COL28A1: variants seen among roughly 807,000 people sequenced by gnomAD.
The protein encoded by COL28A1 is collagen alpha-1(XXVIII) chain.
A neutral mutation model predicts 150.2 loss-of-function variants in COL28A1; 161 were observed. The observed-to-expected ratio is 1.07, with a 90% CI of 0.94 to 1.22. The LOEUF is 1.22. Among genes scored for constraint, COL28A1 ranks in the 50% most tolerant of loss-of-function variants. The pLI, the probability that COL28A1 is intolerant of heterozygous loss-of-function variation, is 0.00. For missense variants in COL28A1, 1,617 were observed against 1,388.3 expected, an observed-to-expected ratio of 1.16 and a Z score of -2.62; for synonymous variants, 552 against 469.7, an observed-to-expected ratio of 1.18 and a Z score of -2.26.
chr7:7,462,624 C>G (rs570992251), intron 15 of COL28A1, among the ~76,000 whole-genome samples: 3 of 152,086 alleles, frequency 2.0e-5, no homozygotes, highest in Non-Finnish European at 4.4e-5. Context: ...TTTGGGAGGC[C>G]GAGGCAGATG....
chr7:7,387,337 A>C (rs1180476927), intron 27 of COL28A1, among the ~76,000 whole-genome samples: 1 of 152,198 alleles, frequency 6.6e-6, no homozygotes, highest in Non-Finnish European at 1.5e-5. Flanking sequence ...ATTTTACTGC[A>C]TATAAATAAT....
intron 27 of COL28A1, among the ~76,000 whole-genome samples, chr7:7,401,339 T>A (rs1256772990): frequency 1.3e-5 from 2 of 152,022 alleles, no homozygotes; most frequent in African/African-American, 4.8e-5. Context: ...TTAAATACCA[T>A]CTATAAATTG....
chr7:7,491,718 AC>A (rs1384763136), intron 11 of COL28A1, among the ~76,000 whole-genome samples: 3 of 152,184 alleles, frequency 2.0e-5, no homozygotes, highest in Non-Finnish European at 2.9e-5. Flanking sequence ...CCAAACTCAC[AC>A]CTGAATACCA....
At position 7,490,570 on chromosome 7, in the gene COL28A1, A is replaced by T. The variant is rs1779861330; in HGVS notation, c.1095+8T>A. The T allele has an allele frequency of 2.6e-6, 3 of 1,166,372 alleles. No homozygotes were observed. The highest frequency in any genetic ancestry group is 1.7e-5 in the Admixed American group (1 of 58,740). 72.3% of individuals were successfully genotyped at this position (1,166,372 alleles called of 1,614,324 possible). A position where few individuals can be genotyped will look rare whatever the true frequency, so the allele number is the denominator to read the frequency against. On this transcript the variant is annotated splice_region_variant and intron_variant, in intron 12 of 34. Transcript: ENST00000399429. ...GTCATCAGTGGGCAAAAAGACAAGT[A>T]TCTTTACCTTAATACCTTGCTGTCC...
chr7:7,364,897 A>T (rs991851606), intron 33 of COL28A1, among the ~76,000 whole-genome samples: 1 of 152,192 alleles, frequency 6.6e-6, no homozygotes. Flanking sequence ...CAATGGGTTA[A>T]TCTTTCTGTT....
chr7:7,479,531 G>A (rs1201390964), intron 13 of COL28A1, among the ~76,000 whole-genome samples: 2 of 152,184 alleles, frequency 1.3e-5, no homozygotes, highest in African/African-American at 2.4e-5. Context: ...AGCATTAAGT[G>A]CTGTTTACAT....
intron 17 of COL28A1, among the ~76,000 whole-genome samples, chr7:7,453,124 A>G (rs1388451448): frequency 6.6e-6 from 1 of 152,242 alleles, no homozygotes; most frequent in Non-Finnish European, 1.5e-5. Context: ...AATGAAAATT[A>G]GCCAACCTAG....
chr7:7,526,199 C>A (rs1782015358), intron 3 of COL28A1, among the ~76,000 whole-genome samples: 1 of 152,240 alleles, frequency 6.6e-6, no homozygotes, highest in Admixed American at 6.5e-5. Context: ...GACATCCTTT[C>A]TAGACATACC....
At chr7:7,388,215 A>G (rs1231350952) in intron 27 of COL28A1, among the ~76,000 whole-genome samples, 5 of 147,770 alleles carry the variant, frequency 3.4e-5, no homozygotes, top group Admixed American at 3.4e-4. Context: ...CCCTGTACCC[A>G]TGTGTTCTCA....
chr7:7,397,489 G>T (rs371650720), intron 27 of COL28A1, among the ~76,000 whole-genome samples: 1 of 152,092 alleles, frequency 6.6e-6, no homozygotes, highest in African/African-American at 2.4e-5. Context: ...GGTGGCTTTT[G>T]CTCTATTTAT....
chr7:7,450,360 T>C (rs1583403814), intron 18 of COL28A1, among the ~76,000 whole-genome samples: 1 of 152,288 alleles, frequency 6.6e-6, no homozygotes, highest in Admixed American at 6.5e-5. Flanking sequence ...GGTCAAGAAA[T>C]GTTTTAAAAT....
chr7:7,433,041 G>C (rs1785095213), intron 23 of COL28A1, among the ~76,000 whole-genome samples: 1 of 152,062 alleles, frequency 6.6e-6, no homozygotes, highest in African/African-American at 2.4e-5. Flanking sequence ...AATAAACCCA[G>C]ATGAAAATAA....
At chr7:7,477,893 G>A (rs1337995681) in intron 13 of COL28A1, among the ~76,000 whole-genome samples, 1 of 152,168 alleles carries the variant, frequency 6.6e-6, no homozygotes, top group African/African-American at 2.4e-5. Flanking sequence ...CTGTTTTGCA[G>A]AGAGCTGATT....
intron 11 of COL28A1, among the ~76,000 whole-genome samples, chr7:7,501,387 G>C (rs1168784499): frequency 3.9e-5 from 6 of 152,192 alleles, no homozygotes; most frequent in Non-Finnish European, 8.8e-5. Flanking sequence ...AGGCCTTGAA[G>C]CTCTAATGCT....
intron 13 of COL28A1, among the ~76,000 whole-genome samples, chr7:7,480,654 T>A (rs1789313812): frequency 6.6e-6 from 1 of 152,200 alleles, no homozygotes; most frequent in Non-Finnish European, 1.5e-5. Flanking sequence ...AAGGAAGTAT[T>A]TTTCCAGTTC....
the COL28A1 span, among the ~76,000 whole-genome samples, chr7:7,347,369 C>G: frequency 6.6e-6 from 1 of 152,180 alleles, no homozygotes; most frequent in East Asian, 1.9e-4. Context: ...CTTCTTATGT[C>G]TATTCTAAGA....
intron 14 of COL28A1, 25 bp downstream of exon 14, chr7:7,477,087 T>G (rs370767982): frequency 2.1e-6 from 2 of 955,336 alleles, no homozygotes; most frequent in South Asian, 1.3e-5. Flanking sequence ...AAAGCACCTT[T>G]TCCTGGTACA....
intron 27 of COL28A1, among the ~76,000 whole-genome samples, chr7:7,384,848 G>A (rs944414989): frequency 1.3e-5 from 2 of 152,160 alleles, no homozygotes; most frequent in Admixed American, 1.3e-4. Context: ...CAAAAAAAAG[G>A]AGAGGAGAAA....
chr7:7,425,308 C>T (rs557739473), intron 25 of COL28A1, among the ~76,000 whole-genome samples: 5 of 152,274 alleles, frequency 3.3e-5, no homozygotes, highest in Admixed American at 2.6e-4. Flanking sequence ...ATGCAAGACG[C>T]TAACTTTTCC....
Sources: allele counts gnomAD v4.1 joint callset (sites outside exome capture counted in the v4.1 genomes callset), GRCh38; gene constraint gnomAD v4.1.1; transcripts MANE v1.5; gene names NCBI Gene and HGNC (gene_info 2026-07-23, HGNC 2026-07-21).